Variants in CHL1 observed in about 807,000 individuals in gnomAD.
CHL1 encodes cell adhesion molecule L1 like.
A neutral mutation model predicts 141.9 loss-of-function variants in CHL1; 96 were observed. The ratio of observed to expected loss-of-function variants is 0.68; its 90% CI spans 0.57 to 0.80. The LOEUF (loss-of-function observed/expected upper bound fraction) is 0.80, where lower values mean the gene tolerates loss of function less well. Among genes scored for constraint, CHL1 ranks in the 30% least tolerant of loss-of-function variants. The pLI, the probability that CHL1 is intolerant of heterozygous loss-of-function variation, is 0.00. For missense variants in CHL1, 1,820 were observed against 1,457.2 expected (o/e 1.25, Z -4.05); for synonymous variants, 613 against 502.2 (o/e 1.22, Z -2.95).
At chr3:197,858 C>G (rs1187449998) in intron 1 of CHL1, 1 of 421,820 alleles carries the variant, frequency 2.4e-6, no homozygotes, top group Non-Finnish European at 4.6e-6. Flanking sequence ...CTTTGTGCCT[C>G]TCTCTTTCTC....
At chr3:342,822 A>G (rs1702443700) in intron 7 of CHL1, among the ~76,000 whole-genome samples, 162 bp from the exon 8 acceptor site, 1 of 152,046 alleles carries the variant, frequency 6.6e-6, no homozygotes, top group African/African-American at 2.4e-5. Context: ...CACTATAATT[A>G]TTTTCTATGT....
chr3:344,784 C>A, intron 9 of CHL1, 75 bp downstream of exon 9: 1 of 1,355,330 alleles, frequency 7.4e-7, no homozygotes, highest in Non-Finnish European at 1.0e-6. Flanking sequence ...CACATTAAGA[C>A]TGTGCTTGCA....
chr3:369,948 T>G (rs1162291913), intron 15 of CHL1, among the ~76,000 whole-genome samples: 1 of 152,162 alleles, frequency 6.6e-6, no homozygotes, highest in Non-Finnish European at 1.5e-5. Context: ...GAGATGAAGC[T>G]GACTTGTTCA....
chr3:341,742 T>G (rs1702363416), intron 6 of CHL1, among the ~76,000 whole-genome samples, 170 bp from the exon 7 acceptor site: 1 of 152,102 alleles, frequency 6.6e-6, no homozygotes, highest in African/African-American at 2.4e-5. Flanking sequence ...TTTTGTTTTG[T>G]TTTGTTTTCC....
chr3:320,755 A>G (rs1324803926), intron 3 of CHL1, among the ~76,000 whole-genome samples: 1 of 152,098 alleles, frequency 6.6e-6, no homozygotes, highest in East Asian at 1.9e-4. Flanking sequence ...TAGTATATCA[A>G]GTCTGCCATG....
chr3:385,884 A>G (rs994407728), intron 19 of CHL1: 1 of 151,270 alleles, frequency 6.6e-6, no homozygotes, highest in Admixed American at 6.6e-5. Flanking sequence ...ACGACATGTC[A>G]TTTAGTAATT....
chr3:346,933 A>G (rs758780493), intron 9 of CHL1, among the ~76,000 whole-genome samples: 1 of 152,188 alleles, frequency 6.6e-6, no homozygotes, highest in Non-Finnish European at 1.5e-5. Flanking sequence ...ATTTTACTTG[A>G]AAGAATAAAG....
At chr3:259,808 T>A (rs570358672) in intron 2 of CHL1, among the ~76,000 whole-genome samples, 3 of 152,170 alleles carry the variant, frequency 2.0e-5, no homozygotes, top group South Asian at 2.1e-4. Flanking sequence ...CATATTCAGA[T>A]TTTTGGGTCC....
intron 2 of CHL1, among the ~76,000 whole-genome samples, chr3:318,860 A>G (rs1700333525): frequency 1.3e-5 from 2 of 151,668 alleles, no homozygotes; most frequent in Admixed American, 1.3e-4. Flanking sequence ...GGGAATAGAT[A>G]TCTAATATGA....
At chr3:274,257 G>T (rs1695893011) in intron 2 of CHL1, among the ~76,000 whole-genome samples, 1 of 152,126 alleles carries the variant, frequency 6.6e-6, no homozygotes, top group African/African-American at 2.4e-5. Flanking sequence ...AGCAGATCTA[G>T]ACAGAGTACC....
intron 2 of CHL1, among the ~76,000 whole-genome samples, chr3:276,034 A>G (rs1338697379): frequency 1.3e-5 from 2 of 151,980 alleles, no homozygotes; most frequent in African/African-American, 4.8e-5. Context: ...AATAATTAGA[A>G]GAGTTGGGGT....
In CHL1 at chr3:328,316, G is replaced by C; in HGVS notation, c.347G>C (p.Gly116Ala). ...CGCTGCTTTGCTTCAAATAAACTGG[G>C]AATCGCTATGTCAGAAGAAATAGAA... Reference protein sequence around the residue: ...KYRCFASNKLGIAMSEEIEFI... With the variant: ...KYRCFASNKLAIAMSEEIEFI... Residue 116 changes from glycine to alanine, a missense_variant, in exon 5 of 28, where the codon GGA (glycine) becomes GCA (alanine). Coordinates refer to ENST00000256509, the MANE Select transcript of CHL1 (RefSeq NM_006614.4). 6.2e-7 allele frequency: 1 copy of C among 1,611,850 alleles called. No individual in the cohort carries two copies. Among genetic ancestry groups the C allele is most frequent in the Non-Finnish European group, 8.5e-7 (1 of 1,178,726 alleles).
rs370348161 is a variant in CHL1 at position 371,341 on chromosome 3, T to A, written c.1751+5226T>A. ...TAGTTAACTCTTCTGGTTGAATTGT[T>A]CCCTTTACCACTATGTAATGCCCTT... On this transcript the variant is annotated intron_variant, in intron 15 of 27. Coordinates refer to ENST00000256509, the MANE Select transcript of CHL1 (RefSeq NM_006614.4). Among the ~76,000 whole-genome samples, 265 of 152,318 alleles carry A rather than the reference T, an allele frequency of 1.7e-3. 2 individuals carry two copies. The highest frequency in any genetic ancestry group is 5.8e-3 in the African/African-American group (241 of 41,570).
intron 1 of CHL1, among the ~76,000 whole-genome samples, chr3:234,470 A>G (rs779585544): frequency 6.6e-6 from 1 of 152,154 alleles, no homozygotes; most frequent in Admixed American, 6.6e-5. Context: ...AGACTAAAAT[A>G]CAAAGACAGC....
chr3:255,497 G>A (rs1279717068), intron 2 of CHL1, among the ~76,000 whole-genome samples: 1 of 116,360 alleles, frequency 8.6e-6, no homozygotes, highest in East Asian at 2.9e-4. Context: ...TGGTGTCTTT[G>A]TATGTGTGTG....
intron 23 of CHL1, among the ~76,000 whole-genome samples, chr3:393,365 C>G (rs985789927): frequency 6.6e-6 from 1 of 151,306 alleles, no homozygotes; most frequent in Non-Finnish European, 1.5e-5. Flanking sequence ...TTTTAAGATT[C>G]TTTTAAATGT....
intron 2 of CHL1, among the ~76,000 whole-genome samples, chr3:289,920 T>C (rs1224289368): frequency 1.4e-5 from 2 of 146,200 alleles, no homozygotes; most frequent in South Asian, 2.2e-4. Context: ...GATACATTGC[T>C]CCACTGGTAT....
intron 27 of CHL1, among the ~76,000 whole-genome samples, chr3:404,975 C>A (rs1575315540): frequency 6.6e-6 from 1 of 152,146 alleles, no homozygotes; most frequent in Admixed American, 6.6e-5. Flanking sequence ...ACAGATGGCA[C>A]CTTCTCTTTG....
chr3:202,491 C>A (rs548781252), intron 1 of CHL1, among the ~76,000 whole-genome samples: 1 of 152,126 alleles, frequency 6.6e-6, no homozygotes, highest in Non-Finnish European at 1.5e-5. Context: ...AAATTAGAAT[C>A]GTCTGGAGAG....
Sources: allele counts gnomAD v4.1 joint callset (sites outside exome capture counted in the v4.1 genomes callset), GRCh38; gene constraint gnomAD v4.1.1; transcripts MANE v1.5; gene names NCBI Gene and HGNC (gene_info 2026-07-23, HGNC 2026-07-21).